TMEM132A: variants seen among roughly 807,000 people sequenced by gnomAD.
TMEM132A encodes the protein GRP78-binding protein.
In TMEM132A, 48 loss-of-function variants were observed where a neutral mutation model predicts 69.9. That is an observed-to-expected ratio of 0.69 (90% CI 0.55 to 0.87). TMEM132A has a LOEUF of 0.87. Among genes scored for constraint, TMEM132A ranks in the 40% least tolerant of loss-of-function variants. The probability of loss-of-function intolerance (pLI) is 0.00; values close to 1 mark genes in which losing one functional copy is unlikely to be tolerated. For missense variants in TMEM132A, 1,287 were observed against 1,407.2 expected, an observed-to-expected ratio of 0.91 and a Z score of 1.37; for synonymous variants, 577 against 613.7, an observed-to-expected ratio of 0.94 and a Z score of 0.88.
At position 60,936,692 on chromosome 11, in the gene TMEM132A, C is replaced by T. The variant is rs529138358; in HGVS notation, c.2857C>T (p.Arg953Ter). Residue 953 changes from arginine (R) to a stop codon, truncating the protein, a stop_gained, in exon 11 of 11, where the codon CGA becomes TGA. Coordinates refer to ENST00000453848, the MANE Select transcript of TMEM132A (RefSeq NM_178031.3). LOFTEE classifies it high-confidence loss of function. Reference protein sequence around the residue: ...GTTSSSSTLARKEAGGRRKRV... With the variant: ...GTTSSSSTLA ...CACCAGCTCCTCAAGCACCCTGGCC[C>T]GAAAGGAGGCTGGGGGGCGGCGGAA... The T allele has an allele frequency of 1.5e-5, 24 of 1,565,520 alleles. No individual in the cohort carries two copies. Among genetic ancestry groups the T allele is most frequent in the African/African-American group, 4.1e-5 (3 of 73,430 alleles).
chr11:60,933,951 C>G (rs1306874839), intron 8 of TMEM132A: 2 of 585,378 alleles, frequency 3.4e-6, no homozygotes, highest in Non-Finnish European at 6.1e-6. Flanking sequence ...TCCTCCTTCC[C>G]TGCCTCACTT....
intron 1 of TMEM132A, chr11:60,926,912 T>C (rs1856358670): frequency 4.1e-6 from 2 of 490,754 alleles, no homozygotes; most frequent in East Asian, 7.6e-5. Flanking sequence ...AAAGGAGACA[T>C]TGAGAAGGCT....
intron 8 of TMEM132A, chr11:60,934,088 C>G: frequency 2.6e-6 from 1 of 391,534 alleles, no homozygotes; most frequent in Non-Finnish European, 4.5e-6. Context: ...GCTGGTCGTA[C>G]CCTCAGAGCC....
chr11:60,930,345 T>C (rs532724722), intron 4 of TMEM132A, among the ~76,000 whole-genome samples, 165 bp from the exon 5 acceptor site: 1 of 152,222 alleles, frequency 6.6e-6, no homozygotes, highest in African/African-American at 2.4e-5. Flanking sequence ...CTGTAAGGTG[T>C]GAGCTGCACT....
Position 60,934,647 on chromosome 11 carries a change from G to T in TMEM132A, c.1719G>T (p.Trp573Cys). 6.3e-7 allele frequency: 1 copy of T among 1,595,136 alleles called. No homozygotes were observed. Residue 573 changes from tryptophan (W) to cysteine (C), a missense_variant, in exon 9 of 11, where the codon TGG becomes TGT. Coordinates refer to ENST00000453848, the MANE Select transcript of TMEM132A (RefSeq NM_178031.3). ...TCACGCACCTGCTTGGCCCCGACTGGCTGCTAGACGTGTCCCACCTCGTGG... is the reference window on the plus strand; with the variant it reads ...TCACGCACCTGCTTGGCCCCGACTGTCTGCTAGACGTGTCCCACCTCGTGG... ...RRLTHLLGPD[W>C]LLDVSHLVAP...
At position 60,936,367 on chromosome 11, in the gene TMEM132A, T is replaced by A; in HGVS notation, c.2532T>A (p.Thr844=). The stretch of plus-strand genomic sequence containing the variant: ...TGGTCCCTGCCCCTCAGCATGTCAC[T>A]GAGCTAGAGCTGGGCATGTACGCCC... ...EEMVPAPQHV[T]ELELGMYALL... Residue 844 remains threonine (T), a synonymous_variant, in exon 11 of 11, where the codon ACT becomes ACA. Transcript: ENST00000453848. The A allele has an allele frequency of 6.2e-7, 1 of 1,613,932 alleles. No individual in the cohort carries two copies. The highest frequency in any genetic ancestry group is 1.1e-5 in the South Asian group (1 of 91,082).
Position 60,936,732 on chromosome 11 carries a change from T to C in TMEM132A, c.2897T>C (p.Val966Ala), listed in dbSNP as rs1183014587. 2 of 1,597,172 alleles carry C rather than the reference T, an allele frequency of 1.3e-6. No individual in the cohort carries two copies. Among genetic ancestry groups the C allele is most frequent in the South Asian group, 1.1e-5 (1 of 89,226 alleles). ...AGGRRKRVEF[V>A]TFAPAPPAQS... ...GGGCGGCGGAAGCGAGTAGAGTTTG[T>C]GACATTTGCGCCAGCCCCTCCAGCC... is the stretch of plus-strand genomic sequence containing the variant. The change falls in exon 11 of 11, where the codon GTG (valine) becomes GCG (alanine). Residue 966 changes from valine to alanine, a missense_variant. Val to Ala is a moderately conservative substitution (Grantham distance 64, BLOSUM62 0). Transcript: ENST00000453848.
In TMEM132A at chr11:60,935,122, G is replaced by A. The variant is rs1268178825; in HGVS notation, c.1837-130G>A. ...AGTACCCGGTTCCCTCTGGGTGGGG[G>A]CTGTCCGTGGCGAAGACCTCCCCCA... On this transcript the variant is annotated intron_variant, in intron 9 of 10. Coordinates refer to ENST00000453848, the MANE Select transcript of TMEM132A (RefSeq NM_178031.3). This position sits in a 1 kb window ranked among gnomAD's most constrained non-coding sequence, Gnocchi z 5.0. 3.6e-6 allele frequency: 3 copies of A among 828,062 alleles called. No homozygotes were observed. The highest frequency in any genetic ancestry group is 3.4e-5 in the African/African-American group (2 of 58,334). The allele number at this position is 828,062 out of a possible 1,614,324, so 51.3% of individuals were successfully genotyped here.
Position 60,935,461 on chromosome 11 carries a change from A to C in TMEM132A, c.2028+18A>C. ...CAAAGCAGGTGACAGTTGGGGGGTC[A>C]GGGGGATGAGGTCAACATCTCCAGA... On this transcript the variant is annotated intron_variant, in intron 10 of 10. Coordinates refer to ENST00000453848, the MANE Select transcript of TMEM132A (RefSeq NM_178031.3). The surrounding 1 kb of genome is among the most constrained non-coding windows in gnomAD (Gnocchi z 5.0). The C allele has an allele frequency of 6.3e-7, 1 of 1,580,896 alleles. No homozygotes were observed. Among genetic ancestry groups the C allele is most frequent in the Non-Finnish European group, 8.6e-7 (1 of 1,162,878 alleles).
At chr11:60,926,728 A>G (rs1043355340) in intron 1 of TMEM132A, 1 of 235,490 alleles carries the variant, frequency 4.2e-6, no homozygotes, top group Non-Finnish European at 8.4e-6. Flanking sequence ...GCAGGTTGCC[A>G]TGGCAATGAT....
intron 1 of TMEM132A, chr11:60,926,681 G>A (rs148179084): frequency 4.8e-5 from 9 of 188,680 alleles, no homozygotes; most frequent in African/African-American, 1.4e-4. Context: ...GATACCAGTC[G>A]GTTCAGGGAA....
rs1435055803 is a variant in TMEM132A, at chr11:60,933,804, C to T, written c.1559+60C>T. 7 of 1,459,040 alleles carry T rather than the reference C, an allele frequency of 4.8e-6. No individual in the cohort carries two copies. In the South Asian group the frequency reaches 5.2e-5, roughly 11 times the overall value. The allele number at this position is 1,459,040 out of a possible 1,614,324, so 90.4% of individuals were successfully genotyped here. A position where few individuals can be genotyped will look rare whatever the true frequency, so the allele number is the denominator to read the frequency against. ...GCGAGTCACACTGGGACGGAGAGGG[C>T]GCAGGGGACACAGCCATGGGCCCAA... On this transcript the variant is annotated intron_variant, in intron 8 of 10. Coordinates refer to ENST00000453848, the MANE Select transcript of TMEM132A (RefSeq NM_178031.3).
At chr11:60,928,199 A>G (rs1441059943) in intron 3 of TMEM132A, among the ~76,000 whole-genome samples, 1 of 152,370 alleles carries the variant, frequency 6.6e-6, no homozygotes, top group South Asian at 2.1e-4. Context: ...AGAGTAATCA[A>G]TCAGCCAGTG....
At chr11:60,926,751 G>A (rs141038183) in intron 1 of TMEM132A, 27 of 241,910 alleles carry the variant, frequency 1.1e-4, no homozygotes, top group African/African-American at 5.3e-4. Context: ...GGGAGGAGGG[G>A]TGGATGCCCA....
In TMEM132A at chr11:60,930,549, C is replaced by T. The variant is rs763920524; in HGVS notation, c.906C>T (p.Arg302=). Residue 302 remains arginine (R), a synonymous_variant, in exon 5 of 11, where the codon CGC becomes CGT. Coordinates refer to ENST00000453848, the MANE Select transcript of TMEM132A (RefSeq NM_178031.3). ...AGGGGCTGCATGTGACAGCCGCCCG[C>T]CCAGCCCAGCCCACACTCTGGACTG... The part of the protein sequence containing the change: ...VKKGLHVTAA[R]PAQPTLWTAK... 6.2e-6 allele frequency: 10 copies of T among 1,611,108 alleles called. No homozygotes were observed. The Admixed American group carries it at 1.5e-4, about 24-fold the overall frequency.
At chr11:60,930,365 T>C (rs756810297) in intron 4 of TMEM132A, 145 bp from the exon 5 acceptor site, 9 of 918,046 alleles carry the variant, frequency 9.8e-6, no homozygotes, top group Non-Finnish European at 1.4e-5. Flanking sequence ...TGAGGCGGGG[T>C]CCTTCTGGGT....
At chr11:60,930,992 C>G (rs1590626186) in intron 5 of TMEM132A, among the ~76,000 whole-genome samples, 1 of 152,128 alleles carries the variant, frequency 6.6e-6, no homozygotes. Context: ...TTCTCTGGGC[C>G]GTTCACATTC....
Position 60,931,856 on chromosome 11 carries a change from A to C in TMEM132A, c.1184A>C (p.Asp395Ala), listed in dbSNP as rs1360001466. Residue 395 changes from aspartate (D) to alanine (A), a missense_variant, in exon 6 of 11, where the codon GAC becomes GCC. Asp to Ala is a moderately radical substitution (Grantham distance 126). Coordinates refer to ENST00000453848, the MANE Select transcript of TMEM132A (RefSeq NM_178031.3). ...MVWEILVSER[D>A]IRALIPLAKA... ...TGGGAAATCCTGGTGTCTGAGCGGGACATCAGAGCCCTTATCCCACTGGCC... is the reference window on the plus strand; with the variant it reads ...TGGGAAATCCTGGTGTCTGAGCGGGCCATCAGAGCCCTTATCCCACTGGCC... The C allele has an allele frequency of 1.2e-6, 2 of 1,614,092 alleles. No individual in the cohort carries two copies. Among genetic ancestry groups the C allele is most frequent in the African/African-American group, 2.7e-5 (2 of 74,930 alleles).
chr11:60,925,938 T>C (rs1055524835), intron 1 of TMEM132A: 2 of 152,238 alleles, frequency 1.3e-5, no homozygotes, highest in Non-Finnish European at 2.9e-5. Flanking sequence ...AATTCAGGTC[T>C]CCAGGCTCCC....
Sources: gnomAD v4.1 joint callset for allele counts (sites outside exome capture counted in the v4.1 genomes callset) on GRCh38, gnomAD v4.1.1 for gene constraint, Gnocchi (gnomAD v3.1) non-coding constraint, MANE v1.5 for transcripts, NCBI Gene and HGNC (gene_info 2026-07-23, HGNC 2026-07-21) for gene names.